Variants in SNRNP35 observed in about 807,000 individuals in gnomAD.
SNRNP35 encodes small nuclear ribonucleoprotein U11/U12 subunit 35.
In SNRNP35, 16 loss-of-function variants were observed where a neutral mutation model predicts 24.3. The observed-to-expected ratio is 0.66, with a 90% CI of 0.45 to 1.00. The LOEUF (loss-of-function observed/expected upper bound fraction) is 1.00, where lower values mean the gene tolerates loss of function less well. Among genes scored for constraint, SNRNP35 ranks in the 50% least tolerant of loss-of-function variants. SNRNP35 has a pLI of 0.00. For synonymous variants in SNRNP35, 106 were observed against 124.8 expected (o/e 0.85, Z 1.00); for missense variants, 292 against 327.2 (o/e 0.89, Z 0.83).
chr12:123,470,897 A>G (rs1433052395), downstream of SNRNP35: 3 of 152,158 alleles, frequency 2.0e-5, no homozygotes, highest in Non-Finnish European at 4.4e-5. Context: ...TCATCAGTAT[A>G]CCTGCTTCTA....
chr12:123,462,313 T>C (rs946621473), intron 1 of SNRNP35, among the ~76,000 whole-genome samples: 8 of 152,040 alleles, frequency 5.3e-5, no homozygotes, highest in African/African-American at 1.4e-4. Flanking sequence ...ACAAATGGTT[T>C]AGGCCAAAAA....
intron 1 of SNRNP35, chr12:123,459,296 C>T (rs1339079542): frequency 6.6e-6 from 1 of 152,264 alleles, no homozygotes; most frequent in Non-Finnish European, 1.5e-5. Context: ...TTATAGACAC[C>T]ATATGATCTA....
At chr12:123,459,907 A>T (rs1880509265) in intron 1 of SNRNP35, 1 of 1,546,312 alleles carries the variant, frequency 6.5e-7, no homozygotes, top group South Asian at 1.1e-5. Flanking sequence ...AGCTGTTAGT[A>T]TCTATAGAAG....
At chr12:123,459,961 T>C in intron 1 of SNRNP35, 2 of 1,063,490 alleles carry the variant, frequency 1.9e-6, no homozygotes, top group Non-Finnish European at 2.9e-6. Context: ...TATCCGTTTG[T>C]AATTCTCCTC....
chr12:123,458,304 T>G (rs1880389520), intron 1 of SNRNP35, 88 bp downstream of exon 1: 1 of 880,632 alleles, frequency 1.1e-6, no homozygotes, highest in Non-Finnish European at 1.4e-6. Context: ...CGCGCTTGTG[T>G]GGGGCGCCAT....
Position 123,465,773 on chromosome 12 carries a change from G to A in SNRNP35, c.233G>A (p.Arg78Gln), listed in dbSNP as rs1880927957. 3 of 1,614,130 alleles carry A rather than the reference G, an allele frequency of 1.9e-6. No individual in the cohort carries two copies. Among genetic ancestry groups the A allele is most frequent in the South Asian group, 1.1e-5 (1 of 91,082 alleles). The change falls in exon 2 of 2, where the codon CGG (arginine) becomes CAG (glutamine). Residue 78 changes from arginine to glutamine, a missense_variant. Transcript: ENST00000526639. The surrounding 1 kb of genome is among the most constrained non-coding windows in gnomAD (Gnocchi z 4.2). Reference protein sequence around the residue: ...KEVFSRYGDIRRLRLVRDLVT... With the variant: ...KEVFSRYGDIQRLRLVRDLVT... The stretch of plus-strand genomic sequence containing the variant: ...GTCTTTTCCCGCTATGGTGACATCC[G>A]GCGGCTTCGGCTGGTCAGGGACTTG...
chr12:123,465,370 G>A lies in SNRNP35; in HGVS notation c.-3-168G>A, dbSNP rs1189747721. Among the ~76,000 whole-genome samples, 1 of 152,204 alleles carries A rather than the reference G, an allele frequency of 6.6e-6. No individual in the cohort carries two copies. Among genetic ancestry groups the A allele is most frequent in the Non-Finnish European group, 1.5e-5 (1 of 68,032 alleles). Reference sequence around the variant, plus strand: ...AGCACAACTGCCTGGCTTTGGTGCTGTCTCCCCCACTTACTAGCAGGGAGG... The same window carrying A: ...AGCACAACTGCCTGGCTTTGGTGCTATCTCCCCCACTTACTAGCAGGGAGG... On this transcript the variant is annotated intron_variant, in intron 1 of 1. Coordinates refer to ENST00000526639, the MANE Select transcript of SNRNP35 (RefSeq NM_022717.4). The surrounding 1 kb of genome is among the most constrained non-coding windows in gnomAD (Gnocchi z 4.2).
At position 123,465,764 on chromosome 12, in the gene SNRNP35, G is replaced by A. The variant is rs748087094; in HGVS notation, c.224G>A (p.Gly75Asp). The change falls in exon 2 of 2, where the codon GGT becomes GAT. Residue 75 changes from glycine (G) to aspartate (D), a missense_variant. Gly to Asp is a moderately conservative substitution (Grantham distance 94). Coordinates refer to ENST00000526639, the MANE Select transcript of SNRNP35 (RefSeq NM_022717.4). This position sits in a 1 kb window ranked among gnomAD's most constrained non-coding sequence, Gnocchi z 4.2. Reference protein sequence around the residue: ...DKLKEVFSRYGDIRRLRLVRD... With the variant: ...DKLKEVFSRYDDIRRLRLVRD... ...TTAAAGGAAGTCTTTTCCCGCTATG[G>A]TGACATCCGGCGGCTTCGGCTGGTC... The A allele has an allele frequency of 6.2e-7, 1 of 1,614,094 alleles. No homozygotes were observed.
intron 1 of SNRNP35, chr12:123,464,315 C>CT (rs1422418601): frequency 6.6e-6 from 1 of 150,664 alleles, no homozygotes; most frequent in Admixed American, 6.6e-5. Context: ...ACTCTGCTCA[C>CT]TGCAAGCTCC....
intron 1 of SNRNP35, among the ~76,000 whole-genome samples, chr12:123,462,571 TTC>T (rs1305527612): frequency 1.3e-5 from 2 of 150,988 alleles, no homozygotes; most frequent in East Asian, 3.9e-4. Flanking sequence ...CAGTGGCATG[TTC>T]TCGGCTCACT....
At chr12:123,472,571 T>C in exon 2 of SNRNP35, 9 of 1,554,064 alleles carry the variant, frequency 5.8e-6, no homozygotes, top group African/African-American at 1.4e-5. Context: ...GTCCTTGCTC[T>C]GTGTAACCGT....
At position 123,465,956 on chromosome 12, in the gene SNRNP35, G is replaced by A. The variant is rs1566105489; in HGVS notation, c.416G>A (p.Arg139Gln). The A allele has an allele frequency of 6.2e-6, 10 of 1,614,070 alleles. No homozygotes were observed. Among genetic ancestry groups the A allele is most frequent in the Non-Finnish European group, 6.8e-6 (8 of 1,180,024 alleles). Residue 139 changes from arginine (R) to glutamine (Q), a missense_variant, in exon 2 of 2, where the codon CGA (arginine) becomes CAA (glutamine). Physicochemically the swap from Arg to Gln is conservative, Grantham distance 43 (BLOSUM62 1). Transcript: ENST00000526639. The surrounding 1 kb of genome is among the most constrained non-coding windows in gnomAD (Gnocchi z 4.2). ...ACTCTCAAAGGGTGGATCCCTCGGC[G>A]ACTTGGAGGCGGTCTTGGGGGAAAA... Reference protein sequence around the residue: ...ERTLKGWIPRRLGGGLGGKKE... With the variant: ...ERTLKGWIPRQLGGGLGGKKE...
At chr12:123,469,763 A>G (rs2139295230), downstream of SNRNP35, among the ~76,000 whole-genome samples, 1 of 152,226 alleles carries the variant, frequency 6.6e-6, no homozygotes, top group South Asian at 2.1e-4. Context: ...TTGACCTCCC[A>G]AAATATGGGG....
rs1161519394 is a variant in SNRNP35 at position 123,463,771 on chromosome 12, A to AT, written c.-3-1756dup. ...AGACCTGGTTTGGTTTTTATTTTTT[A>AT]TTTTTTTTTTTGAGACAGAGCCTCG... On this transcript the variant is annotated intron_variant, in intron 1 of 1. Transcript: ENST00000526639. 5.3e-4 allele frequency among the ~76,000 whole-genome samples: 69 copies of AT among 130,420 alleles called. No homozygotes were observed. In the Middle Eastern group the frequency reaches 0.015, roughly 28 times the overall value. 85.6% of individuals were successfully genotyped at this position (130,420 alleles called of 152,430 possible). A position where few individuals can be genotyped will look rare whatever the true frequency, so the allele number is the denominator to read the frequency against.
At chr12:123,461,785 A>G in intron 1 of SNRNP35, among the ~76,000 whole-genome samples, 1 of 149,330 alleles carries the variant, frequency 6.7e-6, no homozygotes, top group East Asian at 2.0e-4. Context: ...GCAGTGGCGC[A>G]ATTTCAGCTC....
exon 2 of SNRNP35, chr12:123,472,060 C>T (rs540305554): frequency 6.4e-6 from 1 of 156,312 alleles, no homozygotes; most frequent in African/African-American, 2.4e-5. Context: ...TGGATACATT[C>T]TGTATAATAC....
chr12:123,460,957 T>TA (rs1880583806), intron 1 of SNRNP35, among the ~76,000 whole-genome samples: 1 of 113,894 alleles, frequency 8.8e-6, no homozygotes, highest in Non-Finnish European at 1.8e-5. Context: ...GCGCCTGGCC[T>TA]TTTTTTTTTT....
rs1041627275 is a variant in SNRNP35 at position 123,465,289 on chromosome 12, C to T, written c.-3-249C>T. 2.6e-5 allele frequency among the ~76,000 whole-genome samples: 4 copies of T among 152,186 alleles called. No homozygotes were observed. The highest frequency in any genetic ancestry group is 4.4e-5 in the Non-Finnish European group (3 of 68,038). On this transcript the variant is annotated intron_variant, in intron 1 of 1. Coordinates refer to ENST00000526639, the MANE Select transcript of SNRNP35 (RefSeq NM_022717.4). This position sits in a 1 kb window ranked among gnomAD's most constrained non-coding sequence, Gnocchi z 4.2. ...TGCATATATGGGTGAAACCCGAGCA[C>T]GCTGCCCTCTGCTTCCTGAGAGGGC... is the stretch of plus-strand genomic sequence containing the variant.
chr12:123,462,652 G>A (rs945634396), intron 1 of SNRNP35, among the ~76,000 whole-genome samples: 5 of 151,956 alleles, frequency 3.3e-5, no homozygotes, highest in Admixed American at 6.6e-5. Flanking sequence ...ACCTTGCCCA[G>A]CTAATTTTTT....
Sources: gnomAD v4.1 joint callset for allele counts (sites outside exome capture counted in the v4.1 genomes callset) on GRCh38, gnomAD v4.1.1 for gene constraint, Gnocchi (gnomAD v3.1) non-coding constraint, MANE v1.5 for transcripts, NCBI Gene and HGNC (gene_info 2026-07-23, HGNC 2026-07-21) for gene names.